CIAPIN1: variants seen among roughly 807,000 people sequenced by gnomAD.
CIAPIN1 encodes cytokine induced apoptosis inhibitor 1, also known as anamorsin.
In CIAPIN1, 18 loss-of-function variants were observed where a neutral mutation model predicts 34.3. The observed-to-expected ratio is 0.52, with a 90% CI of 0.36 to 0.78. CIAPIN1 has a LOEUF of 0.78. CIAPIN1 is among the 30% of genes least tolerant of loss of function. CIAPIN1 has a pLI of 0.00. For synonymous variants in CIAPIN1, 131 were observed against 140.4 expected (o/e 0.93, Z 0.47); for missense variants, 310 against 372.5 (o/e 0.83, Z 1.38).
At chr16:57,430,463 T>G (rs1475448442) in intron 7 of CIAPIN1, 124 bp from the exon 8 acceptor site, 8 of 815,384 alleles carry the variant, frequency 9.8e-6, no homozygotes, top group African/African-American at 3.4e-5. Flanking sequence ...CAGAAGCCTA[T>G]AGGCCAGGCA....
rs1354511186 is a variant in CIAPIN1 at position 57,428,902 on chromosome 16, C to T, written c.*268G>A. 2 of 386,438 alleles carry T rather than the reference C, an allele frequency of 5.2e-6. No individual in the cohort carries two copies. Among genetic ancestry groups the T allele is most frequent in the African/African-American group, 4.1e-5 (2 of 48,660 alleles). The allele number at this position is 386,438 out of a possible 1,614,324, so 23.9% of individuals were successfully genotyped here. On this transcript the variant is annotated 3_prime_UTR_variant, in exon 9 of 9. Transcript: ENST00000394391. The stretch of plus-strand genomic sequence containing the variant: ...CATTTTAACATCAGAAGAAGGGCTT[C>T]TTCAGGACACACTCCCTTCTCTTAA...
rs371839476 is a variant in CIAPIN1 at position 57,429,313 on chromosome 16, G to A, written c.829-33C>T. 116 of 1,430,266 alleles carry A rather than the reference G, an allele frequency of 8.1e-5. No individual in the cohort carries two copies. The African/African-American group carries it at 1.1e-3, about 14-fold the overall frequency. The allele number at this position is 1,430,266 out of a possible 1,614,324, so 88.6% of individuals were successfully genotyped here. ...GAGAGAATGGGGAAGCCAAGGGTCA[G>A]CTTATCCCAGGCATACCAGCCAGAA... On this transcript the variant is annotated intron_variant, in intron 8 of 8. Transcript: ENST00000394391.
intron 8 of CIAPIN1, among the ~76,000 whole-genome samples, chr16:57,429,724 C>G (rs1318666118): frequency 5.3e-5 from 8 of 151,660 alleles, no homozygotes; most frequent in African/African-American, 1.9e-4. Flanking sequence ...GATCTCCTGA[C>G]CTCGTGATCC....
chr16:57,435,332 G>T (rs1903175730), intron 4 of CIAPIN1, among the ~76,000 whole-genome samples: 1 of 152,206 alleles, frequency 6.6e-6, no homozygotes, highest in Non-Finnish European at 1.5e-5. Flanking sequence ...ACAGTCTGCA[G>T]AACAGTGAGC....
Position 57,440,861 on chromosome 16 carries a change from T to A in CIAPIN1, c.68A>T (p.Glu23Val). Residue 23 changes from glutamate to valine, a missense_variant, in exon 2 of 9, where the codon GAG (glutamate) becomes GTG (valine). Coordinates refer to ENST00000394391, the MANE Select transcript of CIAPIN1 (RefSeq NM_020313.4). The stretch of plus-strand genomic sequence containing the variant: ...CTTATCCACCAGACCTTTCAGAGCC[T>A]CCACTGGGGATGACTTATCCCAGAC... ...AVVWDKSSPV[E>V]ALKGLVDKLQ... 6.2e-7 allele frequency: 1 copy of A among 1,613,970 alleles called. No individual in the cohort carries two copies. Among genetic ancestry groups the A allele is most frequent in the Non-Finnish European group, 8.5e-7 (1 of 1,179,944 alleles).
intron 4 of CIAPIN1, among the ~76,000 whole-genome samples, chr16:57,434,856 G>A (rs1351680847): frequency 6.6e-6 from 1 of 152,214 alleles, no homozygotes; most frequent in South Asian, 2.1e-4. Context: ...AAAAAAGTAT[G>A]TGCATGTAGA....
intron 1 of CIAPIN1, among the ~76,000 whole-genome samples, chr16:57,441,909 A>C (rs1174425933): frequency 1.3e-5 from 2 of 152,240 alleles, no homozygotes; most frequent in African/African-American, 4.8e-5. Flanking sequence ...TGAAACAAAC[A>C]ATTTGTGGTA....
chr16:57,430,993 T>C (rs1240427967), intron 7 of CIAPIN1, among the ~76,000 whole-genome samples, 158 bp downstream of exon 7: 1 of 151,826 alleles, frequency 6.6e-6, no homozygotes, highest in Non-Finnish European at 1.5e-5. Flanking sequence ...CCACCATGCC[T>C]GGCTAATTTT....
At chr16:57,442,172 C>T (rs991988469) in intron 1 of CIAPIN1, among the ~76,000 whole-genome samples, 2 of 152,012 alleles carry the variant, frequency 1.3e-5, no homozygotes, top group Non-Finnish European at 1.5e-5. Flanking sequence ...ATGGTGAAAC[C>T]CCATCTCTAC....
intron 2 of CIAPIN1, among the ~76,000 whole-genome samples, 182 bp downstream of exon 2, chr16:57,440,590 C>T (rs1393993231): frequency 6.6e-6 from 1 of 152,140 alleles, no homozygotes; most frequent in South Asian, 2.1e-4. Flanking sequence ...TAGAAAAGAA[C>T]CTACGTTGAA....
chr16:57,435,772 C>T (rs1903186343), intron 4 of CIAPIN1, among the ~76,000 whole-genome samples: 1 of 151,940 alleles, frequency 6.6e-6, no homozygotes, highest in Non-Finnish European at 1.5e-5. Context: ...CCAGCCTGGG[C>T]AACAGAGCGA....
chr16:57,446,301 T>C (rs1234430284), intron 1 of CIAPIN1, among the ~76,000 whole-genome samples: 29 of 152,182 alleles, frequency 1.9e-4, no homozygotes, highest in Admixed American at 1.2e-3. Context: ...CAAATCCTTA[T>C]GGAGAGGAGT....
rs536700776 is a variant in CIAPIN1 at position 57,437,140 on chromosome 16, A to C, written c.311-408T>G. On this transcript the variant is annotated intron_variant, in intron 3 of 8. Transcript: ENST00000394391. ...AGACTTGATCTCAAAGAAAAAACAAAAAAAAAATAATAACCTATTCTGTTT... is the reference window on the plus strand; with the variant it reads ...AGACTTGATCTCAAAGAAAAAACAACAAAAAAATAATAACCTATTCTGTTT... 2.8e-4 allele frequency among the ~76,000 whole-genome samples: 42 copies of C among 152,282 alleles called. No homozygotes were observed. In the South Asian group the frequency reaches 5.2e-3, roughly 19 times the overall value.
In CIAPIN1 at chr16:57,431,232, T is replaced by G. The variant is rs758973105; in HGVS notation, c.665A>C (p.Glu222Ala). The change falls in exon 7 of 9, where the codon GAA becomes GCA. Residue 222 changes from glutamate to alanine, a missense_variant. Glu to Ala is a moderately radical substitution (Grantham distance 107). Transcript: ENST00000394391. Reference protein sequence around the residue: ...LIDSDELLDPEDLKKPDPASL... With the variant: ...LIDSDELLDPADLKKPDPASL... Reference sequence around the variant, plus strand: ...AGCTGGATCTGGCTTCTTCAAATCTTCTGGATCCAGCAGCTCATCTGAGTC... The same window carrying G: ...AGCTGGATCTGGCTTCTTCAAATCTGCTGGATCCAGCAGCTCATCTGAGTC... 6.2e-7 allele frequency: 1 copy of G among 1,613,698 alleles called. No homozygotes were observed. Among genetic ancestry groups the G allele is most frequent in the Non-Finnish European group, 8.5e-7 (1 of 1,179,780 alleles).
Position 57,428,533 on chromosome 16 carries a change from T to G in CIAPIN1, c.*637A>C, listed in dbSNP as rs1396263384. The G allele has an allele frequency of 2.0e-5, 3 of 152,306 alleles. No homozygotes were observed. The highest frequency in any genetic ancestry group is 4.4e-5 in the Non-Finnish European group (3 of 68,126). 9.4% of individuals were successfully genotyped at this position (152,306 alleles called of 1,614,324 possible). On this transcript the variant is annotated 3_prime_UTR_variant, in exon 9 of 9. Transcript: ENST00000394391. ...GCACATCCCCTCTCTTTACAAGACA[T>G]GCAGAATCTCAAGATATGTCAAGAT...
chr16:57,430,779 A>G (rs1160299395), intron 7 of CIAPIN1: 3 of 234,282 alleles, frequency 1.3e-5, no homozygotes, highest in African/African-American at 6.7e-5. Context: ...CCATCCATTT[A>G]TAAAAACAAA....
chr16:57,436,347 C>T (rs656641), intron 4 of CIAPIN1, among the ~76,000 whole-genome samples: 4,270 of 152,286 alleles, frequency 0.028, 83 homozygotes, highest in Middle Eastern at 0.071. Context: ...CCTGCCTCAG[C>T]CTCCTGAGTG....
rs140102313 is a variant in CIAPIN1, at chr16:57,429,018, C to T, written c.*152G>A. On this transcript the variant is annotated 3_prime_UTR_variant, in exon 9 of 9. Coordinates refer to ENST00000394391, the MANE Select transcript of CIAPIN1 (RefSeq NM_020313.4). ...CAGCAGCACTACACACCACTGTGCC[C>T]CCCAGCCAGCTTCACTCTGTCTGCT... is the stretch of plus-strand genomic sequence containing the variant. 6.3e-4 allele frequency: 393 copies of T among 627,038 alleles called. 1 individual carries two copies. The African/African-American group carries it at 6.3e-3, about 10-fold the overall frequency. 38.8% of individuals were successfully genotyped at this position (627,038 alleles called of 1,614,324 possible).
chr16:57,447,246 G>C, intron 1 of CIAPIN1, 96 bp downstream of exon 1: 2 of 379,640 alleles, frequency 5.3e-6, no homozygotes, highest in Non-Finnish European at 9.3e-6. Context: ...GAGGAACGGG[G>C]TGGGAAGAGA....
Sources: allele counts gnomAD v4.1 joint callset (sites outside exome capture counted in the v4.1 genomes callset), GRCh38; gene constraint gnomAD v4.1.1; transcripts MANE v1.5; gene names NCBI Gene and HGNC (gene_info 2026-07-23, HGNC 2026-07-21).